Variants in GALNT13 observed in about 807,000 individuals in gnomAD.
GALNT13 encodes the protein polypeptide N-acetylgalactosaminyltransferase 13, also known as UDP-GalNAc:polypeptide N-acetylgalactosaminyltransferase 13.
GALNT13 carries 28 observed loss-of-function variants against 64.2 expected under a neutral mutation model. The ratio of observed to expected loss-of-function variants is 0.44; its 90% confidence interval spans 0.32 to 0.60. The LOEUF (loss-of-function observed/expected upper bound fraction) is 0.60. GALNT13 is among the 20% of genes least tolerant of loss of function. The probability of loss-of-function intolerance (pLI) is 0.05; values close to 1 mark genes in which losing one functional copy is unlikely to be tolerated. For missense variants in GALNT13, 577 were observed against 669.8 expected, an observed-to-expected ratio of 0.86 and a Z score of 1.53; for synonymous variants, 214 against 224.6, an observed-to-expected ratio of 0.95 and a Z score of 0.42.
the GALNT13 span, among the ~76,000 whole-genome samples, chr2:153,359,630 C>CAAAAAAAAAAAAAAAAAAAAAAAAAA: frequency 5.5e-4 from 21 of 38,240 alleles, 2 homozygotes; most frequent in African/African-American, 8.9e-4. Context: ...CAGCTTTCAG[C>CAAAAAAAAAAAAAAAAAAAAAAAAAA]AAAAAAAAAA....
the GALNT13 span, among the ~76,000 whole-genome samples, chr2:153,550,244 T>C: frequency 2.7e-5 from 4 of 150,816 alleles, no homozygotes; most frequent in African/African-American, 9.9e-5. Context: ...GGTCACTTTT[T>C]TTTTTTTTTG....
chr2:153,104,315 C>G, the GALNT13 span, among the ~76,000 whole-genome samples: 5 of 152,158 alleles, frequency 3.3e-5, no homozygotes, highest in Non-Finnish European at 7.4e-5. Flanking sequence ...ATACAGCCAT[C>G]AAATAGGTAT....
At chr2:153,853,243 C>T in the GALNT13 span, among the ~76,000 whole-genome samples, 1 of 152,050 alleles carries the variant, frequency 6.6e-6, no homozygotes, top group East Asian at 1.9e-4. Context: ...TTGTGCCCAC[C>T]CAGATTGGGG....
chr2:153,226,002 C>T, the GALNT13 span, among the ~76,000 whole-genome samples: 25,910 of 151,490 alleles, frequency 0.17, 2,300 homozygotes, highest in Non-Finnish European at 0.18. Context: ...GGTGCAATCT[C>T]GGCTCACTGC....
At chr2:153,858,384 G>A in the GALNT13 span, among the ~76,000 whole-genome samples, 1 of 152,106 alleles carries the variant, frequency 6.6e-6, no homozygotes, top group Non-Finnish European at 1.5e-5. Flanking sequence ...TAAGCAGAGT[G>A]GTAATAAGAT....
At chr2:153,678,056 G>T in the GALNT13 span, among the ~76,000 whole-genome samples, 3 of 112,832 alleles carry the variant, frequency 2.7e-5, no homozygotes, top group African/African-American at 8.7e-5. Context: ...AAGATATTCT[G>T]CTAAGTGAAA....
intron 11 of GALNT13, 156 bp downstream of exon 11, chr2:154,409,238 C>T: frequency 1.5e-6 from 1 of 651,694 alleles, no homozygotes; most frequent in Non-Finnish European, 2.8e-6. Context: ...TTTATTGTCC[C>T]AAGGATCTTA....
intron 3 of GALNT13, among the ~76,000 whole-genome samples, chr2:154,016,357 G>A (rs879376982): frequency 2.0e-5 from 3 of 152,142 alleles, no homozygotes; most frequent in Non-Finnish European, 4.4e-5. Context: ...AGTCTTGATG[G>A]TTGTCTCCTG....
At chr2:154,422,912 T>C (rs565820152) in intron 11 of GALNT13, among the ~76,000 whole-genome samples, 4 of 152,062 alleles carry the variant, frequency 2.6e-5, no homozygotes, top group Admixed American at 2.6e-4. Context: ...GGTGGACTTA[T>C]TTTTTTTATT....
chr2:153,795,143 C>G, the GALNT13 span, among the ~76,000 whole-genome samples: 2 of 152,120 alleles, frequency 1.3e-5, no homozygotes, highest in Non-Finnish European at 2.9e-5. Flanking sequence ...GTACTCATTT[C>G]TCTTTCAAAT....
chr2:154,031,227 A>G (rs972223054), intron 3 of GALNT13, among the ~76,000 whole-genome samples: 1 of 152,100 alleles, frequency 6.6e-6, no homozygotes, highest in Non-Finnish European at 1.5e-5. Flanking sequence ...AAGATATGTA[A>G]CTTAAACTAG....
intron 3 of GALNT13, among the ~76,000 whole-genome samples, chr2:154,072,529 C>T (rs187459300): frequency 5.6e-4 from 85 of 152,130 alleles, no homozygotes; most frequent in African/African-American, 2.0e-3. Context: ...ATGTAACCCT[C>T]TAGCTCATAA....
chr2:153,346,422 A>G, the GALNT13 span, among the ~76,000 whole-genome samples: 7 of 152,292 alleles, frequency 4.6e-5, no homozygotes, highest in Non-Finnish European at 8.8e-5. Context: ...ATTGTAACCA[A>G]GGGCTGCACT....
chr2:153,725,269 A>T, the GALNT13 span, among the ~76,000 whole-genome samples: 1 of 150,656 alleles, frequency 6.6e-6, no homozygotes, highest in Admixed American at 6.7e-5. Flanking sequence ...GATCACATGG[A>T]CACAGGAAGG....
At chr2:153,541,809 T>A in the GALNT13 span, among the ~76,000 whole-genome samples, 1 of 152,228 alleles carries the variant, frequency 6.6e-6, no homozygotes, top group Admixed American at 6.5e-5. Flanking sequence ...GCCCATAGTT[T>A]GTTGAACATA....
the GALNT13 span, among the ~76,000 whole-genome samples, chr2:153,420,104 G>T: frequency 2.0e-5 from 3 of 152,216 alleles, no homozygotes; most frequent in South Asian, 6.2e-4. Flanking sequence ...GGGAAAAAAG[G>T]TTACAGAAAA....
chr2:154,070,951 T>G (rs1440200920), intron 3 of GALNT13, among the ~76,000 whole-genome samples: 1 of 151,486 alleles, frequency 6.6e-6, no homozygotes, highest in Admixed American at 6.6e-5. Context: ...AAAAGAAAAG[T>G]TGGATCACTT....
At chr2:153,511,489 TAGAA>T in the GALNT13 span, among the ~76,000 whole-genome samples, 1 of 152,070 alleles carries the variant, frequency 6.6e-6, no homozygotes, top group African/African-American at 2.4e-5. Flanking sequence ...CTCCATGAAA[TAGAA>T]AGCCAGGCAG....
the GALNT13 span, among the ~76,000 whole-genome samples, chr2:153,143,024 A>G: frequency 6.6e-6 from 1 of 151,940 alleles, no homozygotes; most frequent in South Asian, 2.1e-4. Flanking sequence ...GAGAAGCTTC[A>G]AAGGTGTGAA....
Sources: allele counts gnomAD v4.1 joint callset (sites outside exome capture counted in the v4.1 genomes callset), GRCh38; gene constraint gnomAD v4.1.1; transcripts MANE v1.5; gene names NCBI Gene and HGNC (gene_info 2026-07-23, HGNC 2026-07-21).